The following ATP6V0A1 variants were observed in gnomAD, a reference collection of about 807,000 sequenced individuals.
The protein encoded by ATP6V0A1 is ATPase H+ transporting V0 subunit a1.
ATP6V0A1 carries 43 observed loss-of-function variants against 105.4 expected under a neutral mutation model. That is an observed-to-expected ratio of 0.41 (90% confidence interval 0.32 to 0.53). The LOEUF is 0.53. Ranked by LOEUF, ATP6V0A1 falls within the 20% of genes least tolerant of loss-of-function variation. The pLI, the probability that ATP6V0A1 is intolerant of heterozygous loss-of-function variation, is 0.30. For synonymous variants in ATP6V0A1, 362 were observed against 372.8 expected (o/e 0.97, Z 0.33); for missense variants, 676 against 1,051.1 (o/e 0.64, Z 4.93).
At chr17:42,480,574 G>A in intron 7 of ATP6V0A1, 93 bp from the exon 8 acceptor site, 1 of 1,200,272 alleles carries the variant, frequency 8.3e-7, no homozygotes. Context: ...AAAGATGCCT[G>A]TTGTTCTTGC....
chr17:42,482,367 A>G (rs1598830785), intron 8 of ATP6V0A1, among the ~76,000 whole-genome samples: 1 of 151,492 alleles, frequency 6.6e-6, no homozygotes, highest in African/African-American at 2.4e-5. Flanking sequence ...GGCTGGTCTT[A>G]AACTCCTAGA....
intron 19 of ATP6V0A1, among the ~76,000 whole-genome samples, chr17:42,512,613 G>A (rs2092400362): frequency 1.3e-5 from 2 of 152,184 alleles, no homozygotes; most frequent in Non-Finnish European, 2.9e-5. Context: ...TGAGGGAGAA[G>A]CAGACGTTCG....
intron 18 of ATP6V0A1, 62 bp downstream of exon 18, chr17:42,507,689 C>A: frequency 7.7e-7 from 1 of 1,296,522 alleles, no homozygotes; most frequent in Non-Finnish European, 1.1e-6. Flanking sequence ...GTCTTGTGTA[C>A]CTAAGAGGCC....
intron 2 of ATP6V0A1, among the ~76,000 whole-genome samples, chr17:42,465,027 C>T (rs1483771582): frequency 6.6e-6 from 1 of 152,018 alleles, no homozygotes; most frequent in Admixed American, 6.6e-5. Flanking sequence ...GAGTCTCGCT[C>T]TGTTGCCCAG....
At chr17:42,502,901 T>A (rs2091787117) in intron 17 of ATP6V0A1, 1 of 152,630 alleles carries the variant, frequency 6.6e-6, no homozygotes, top group Non-Finnish European at 1.5e-5. Context: ...ACCATCACAT[T>A]TCATTTAAAG....
At chr17:42,461,693 C>G (rs1013857206) in intron 2 of ATP6V0A1, among the ~76,000 whole-genome samples, 12 of 152,144 alleles carry the variant, frequency 7.9e-5, no homozygotes, top group Non-Finnish European at 1.5e-4. Flanking sequence ...ATCGCCTGAA[C>G]CTGGGAGGCG....
At position 42,460,854 on chromosome 17, in the gene ATP6V0A1, G is replaced by T; in HGVS notation, c.-41G>T. Reference sequence around the variant, plus strand: ...CATTTTCTCTTTGCTTCAGGTTGGAGAGAAATCCAGGTACTCACTAGACTG... The same window carrying T: ...CATTTTCTCTTTGCTTCAGGTTGGATAGAAATCCAGGTACTCACTAGACTG... On this transcript the variant is annotated 5_prime_UTR_variant, in exon 2 of 22. Transcript: ENST00000343619. The T allele has an allele frequency of 6.6e-7, 1 of 1,511,606 alleles. No individual in the cohort carries two copies. The highest frequency in any genetic ancestry group is 1.1e-5 in the South Asian group (1 of 88,832). 93.6% of individuals were successfully genotyped at this position (1,511,606 alleles called of 1,614,324 possible). A position where few individuals can be genotyped will look rare whatever the true frequency, so the allele number is the denominator to read the frequency against.
chr17:42,518,927 C>G (rs1438522595), intron 21 of ATP6V0A1: 2 of 152,246 alleles, frequency 1.3e-5, no homozygotes, highest in Non-Finnish European at 2.9e-5. Flanking sequence ...TTCCCCAGTT[C>G]AGCGGGAGAG....
chr17:42,495,801 T>C (rs958842156), intron 14 of ATP6V0A1, 85 bp downstream of exon 14: 4 of 1,210,858 alleles, frequency 3.3e-6, no homozygotes, highest in East Asian at 2.5e-5. Flanking sequence ...AGATAAATAG[T>C]TATGTGGGCT....
intron 21 of ATP6V0A1, chr17:42,517,912 G>A (rs1270316189): frequency 2.0e-5 from 3 of 152,174 alleles, no homozygotes; most frequent in Non-Finnish European, 2.9e-5. Flanking sequence ...CATTTGATTC[G>A]ATAACATATA....
chr17:42,487,105 C>A, intron 9 of ATP6V0A1, 50 bp from the exon 10 acceptor site: 1 of 1,574,104 alleles, frequency 6.4e-7, no homozygotes, highest in Non-Finnish European at 8.7e-7. Flanking sequence ...ACCCTGAGAT[C>A]TAAAACTGGT....
In ATP6V0A1 at chr17:42,505,849, A is replaced by G. The variant is rs1174094890; in HGVS notation, c.2005-1671A>G. On this transcript the variant is annotated intron_variant, in intron 17 of 21. Transcript: ENST00000343619. Reference sequence around the variant, plus strand: ...GTTGCCCAAGATGGAGTGCAGTGGTATGATCTCAGCTCACTGCAACCATCA... The same window carrying G: ...GTTGCCCAAGATGGAGTGCAGTGGTGTGATCTCAGCTCACTGCAACCATCA... Among the ~76,000 whole-genome samples the G allele has an allele frequency of 2.0e-5, 3 of 147,394 alleles. No individual in the cohort carries two copies. The East Asian group carries it at 6.0e-4, about 29-fold the overall frequency.
chr17:42,501,163 T>A (rs981245110), intron 16 of ATP6V0A1, 34 bp from the exon 17 acceptor site: 5 of 1,543,476 alleles, frequency 3.2e-6, no homozygotes, highest in Non-Finnish European at 4.5e-6. Flanking sequence ...TAGACTTTTA[T>A]ATGATGTACC....
At chr17:42,474,175 G>T (rs1292299805) in intron 5 of ATP6V0A1, among the ~76,000 whole-genome samples, 1 of 151,790 alleles carries the variant, frequency 6.6e-6, no homozygotes, top group Admixed American at 6.6e-5. Context: ...GCTAATTTTT[G>T]TAGTTTTAGT....
chr17:42,493,924 G>A (rs761481524), intron 11 of ATP6V0A1, among the ~76,000 whole-genome samples: 3 of 152,120 alleles, frequency 2.0e-5, no homozygotes, highest in Admixed American at 2.0e-4. Context: ...TGGCAGCTGG[G>A]GAGTAAGTCA....
At chr17:42,464,559 C>A (rs1397608661) in intron 2 of ATP6V0A1, among the ~76,000 whole-genome samples, 3 of 151,928 alleles carry the variant, frequency 2.0e-5, no homozygotes, top group Non-Finnish European at 4.4e-5. Flanking sequence ...CCCGCTGCCA[C>A]TCCCGGCTAA....
chr17:42,483,933 G>T (rs927356873), intron 9 of ATP6V0A1, among the ~76,000 whole-genome samples: 1 of 152,152 alleles, frequency 6.6e-6, no homozygotes, highest in African/African-American at 2.4e-5. Context: ...GGCCAGGCTG[G>T]TCTTGAACTC....
chr17:42,491,929 A>G (rs2090678566), intron 11 of ATP6V0A1, among the ~76,000 whole-genome samples: 1 of 152,146 alleles, frequency 6.6e-6, no homozygotes, highest in South Asian at 2.1e-4. Context: ...CGCCCAGCCA[A>G]TCCTAGCACT....
chr17:42,497,427 C>A (rs1466482906), intron 14 of ATP6V0A1, among the ~76,000 whole-genome samples: 1 of 150,198 alleles, frequency 6.7e-6, no homozygotes, highest in East Asian at 2.0e-4. Flanking sequence ...AATCCCAGCA[C>A]TTTGGGAGGC....
Sources: gnomAD v4.1 joint callset for allele counts (sites outside exome capture counted in the v4.1 genomes callset) on GRCh38, gnomAD v4.1.1 for gene constraint, MANE v1.5 for transcripts, NCBI Gene and HGNC (gene_info 2026-07-23, HGNC 2026-07-21) for gene names.